Variants in EVPLL observed in about 807,000 individuals in gnomAD.
EVPLL encodes envoplakin like, also known as envoplakin-like protein.
EVPLL carries 39 observed loss-of-function variants against 46.2 expected under a neutral mutation model. That is an observed-to-expected ratio of 0.84 (90% CI 0.65 to 1.10). The LOEUF is 1.10. Among genes scored for constraint, EVPLL ranks in the 50% least tolerant of loss-of-function variants. The pLI is 0.00. For synonymous variants in EVPLL, 156 were observed against 165.8 expected (o/e 0.94, Z 0.46); for missense variants, 385 against 412.6 (o/e 0.93, Z 0.58).
chr17:18,386,894 ATTT>A lies in EVPLL; in HGVS notation c.877-1309_877-1307del, dbSNP rs60131387. On this transcript the variant is annotated intron_variant, in intron 9 of 10. Coordinates refer to ENST00000399134, the MANE Select transcript of EVPLL (RefSeq NM_001145127.2). ...ATCTTGTTGACATGATTTTTGGTTA[ATTT>A]TTTTTTTTTTTTTTTGAGACAGAGT... Among the ~76,000 whole-genome samples, 134 of 127,080 alleles carry A rather than the reference ATTT, an allele frequency of 1.1e-3. 2 individuals carry two copies. The highest frequency in any genetic ancestry group is 5.0e-3 in the South Asian group (20 of 3,976). 83.4% of individuals were successfully genotyped at this position (127,080 alleles called of 152,430 possible).
At chr17:18,385,721 G>A (rs1473552608) in intron 9 of EVPLL, among the ~76,000 whole-genome samples, 1 of 152,074 alleles carries the variant, frequency 6.6e-6, no homozygotes, top group African/African-American at 2.4e-5. Flanking sequence ...ACCACAGCAG[G>A]ACAGTGTTTT....
At chr17:18,384,895 G>A (rs570650349) in intron 9 of EVPLL, among the ~76,000 whole-genome samples, 20 of 152,294 alleles carry the variant, frequency 1.3e-4, no homozygotes, top group African/African-American at 4.8e-4. Flanking sequence ...CTCGTCTGCA[G>A]AGGAGGCAGC....
At chr17:18,387,622 A>C (rs1173606085) in intron 9 of EVPLL, among the ~76,000 whole-genome samples, 1 of 151,404 alleles carries the variant, frequency 6.6e-6, no homozygotes, top group African/African-American at 2.4e-5. Context: ...CTTTATTCAC[A>C]GTAGGAGGGG....
rs139071669 is a variant in EVPLL, at chr17:18,380,586, T to C, written c.-36-316T>C. 1,671 of 239,808 alleles carry C rather than the reference T, an allele frequency of 7.0e-3. 27 individuals are homozygous for C. The highest frequency in any genetic ancestry group is 0.033 in the African/African-American group (1,480 of 45,044). The allele number at this position is 239,808 out of a possible 1,614,324, so 14.9% of individuals were successfully genotyped here. ...GTACTACCGGCTCACAGGGGGGAAG[T>C]GGCAGGCAGCTGGGTGGGGTCGGGA... On this transcript the variant is annotated intron_variant, in intron 1 of 10. Transcript: ENST00000399134.
chr17:18,378,678 A>G (rs1987462761), intron 1 of EVPLL, among the ~76,000 whole-genome samples: 2 of 151,030 alleles, frequency 1.3e-5, no homozygotes, highest in Admixed American at 1.3e-4. Flanking sequence ...ACAGCCAGGT[A>G]TGGTGGCTCA....
chr17:18,382,425 A>G (rs1167193080), intron 4 of EVPLL, 88 bp from the exon 5 acceptor site: 1 of 1,520,922 alleles, frequency 6.6e-7, no homozygotes, highest in East Asian at 2.5e-5. Context: ...CCAAATGACC[A>G]AGTCCACTTC....
chr17:18,382,880 G>C lies in EVPLL; in HGVS notation c.511+16G>C. ...AGACCTACTGGTGAGCAGGAGGGAG[G>C]GTCGGGCAGGGTGGCTGCAGGTGGG... On this transcript the variant is annotated intron_variant, in intron 6 of 10. Coordinates refer to ENST00000399134, the MANE Select transcript of EVPLL (RefSeq NM_001145127.2). The C allele has an allele frequency of 1.2e-6, 2 of 1,611,848 alleles. No homozygotes were observed. Among genetic ancestry groups the C allele is most frequent in the Non-Finnish European group, 1.7e-6 (2 of 1,179,176 alleles).
chr17:18,383,648 C>G, intron 9 of EVPLL, 61 bp downstream of exon 9: 2 of 1,379,526 alleles, frequency 1.4e-6, no homozygotes. Context: ...CACAGCACAC[C>G]GGCCCACAGG....
At chr17:18,379,634 C>T (rs1305753742) in intron 1 of EVPLL, among the ~76,000 whole-genome samples, 1 of 152,202 alleles carries the variant, frequency 6.6e-6, no homozygotes, top group Non-Finnish European at 1.5e-5. Context: ...GATCACCTCA[C>T]GTGCGATCCA....
intron 9 of EVPLL, among the ~76,000 whole-genome samples, chr17:18,386,802 G>GGTGTTAGGGGTGCTGAAAA (rs1309761059): frequency 2.0e-5 from 3 of 152,074 alleles, no homozygotes; most frequent in African/African-American, 7.2e-5. Context: ...GGAACAGCCG[G>GGTGTTAGGGGTGCTGAAAA]GGTGTTAGGG....
intron 9 of EVPLL, among the ~76,000 whole-genome samples, chr17:18,386,152 G>A (rs1360114298): frequency 2.6e-5 from 4 of 152,118 alleles, no homozygotes; most frequent in East Asian, 3.9e-4. Context: ...AGGGCGGTGC[G>A]GGAAGGCTCT....
chr17:18,384,157 C>T (rs1428312097), intron 9 of EVPLL, among the ~76,000 whole-genome samples: 1 of 151,888 alleles, frequency 6.6e-6, no homozygotes, highest in Non-Finnish European at 1.5e-5. Flanking sequence ...CTGTATACAG[C>T]ATATCTGTGG....
At position 18,381,769 on chromosome 17, in the gene EVPLL, G is replaced by A; in HGVS notation, c.346+39G>A. Reference sequence around the variant, plus strand: ...AGTCACACCCCAGTGTGATCAGAGGGTGATACGGAACTGCATTTAACCCAG... The same window carrying A: ...AGTCACACCCCAGTGTGATCAGAGGATGATACGGAACTGCATTTAACCCAG... On this transcript the variant is annotated intron_variant, in intron 4 of 10. Transcript: ENST00000399134. The surrounding 1 kb of genome is among the most constrained non-coding windows in gnomAD (Gnocchi z 4.2). The A allele has an allele frequency of 6.2e-7, 1 of 1,613,732 alleles. No individual in the cohort carries two copies. The highest frequency in any genetic ancestry group is 8.5e-7 in the Non-Finnish European group (1 of 1,179,940).
At position 18,388,247 on chromosome 17, in the gene EVPLL, G is replaced by C; in HGVS notation, c.905G>C (p.Ter302SerextTer228). The C allele has an allele frequency of 6.8e-7, 1 of 1,471,796 alleles. No homozygotes were observed. Among genetic ancestry groups the C allele is most frequent in the Non-Finnish European group, 9.3e-7 (1 of 1,076,188 alleles). 91.2% of individuals were successfully genotyped at this position (1,471,796 alleles called of 1,614,324 possible). A position where few individuals can be genotyped will look rare whatever the true frequency, so the allele number is the denominator to read the frequency against. ...RILCPSSSPH* is the reference protein window; with the variant it reads ...RILCPSSSPHS ...CTGTGTCCATCTTCCTCTCCTCATT[G>C]ACTCTGCATGAAGGGGATTTCTGGT... is the stretch of plus-strand genomic sequence containing the variant. Residue 302 changes from the stop codon to serine, a stop_lost, in exon 10 of 11, where the codon TGA becomes TCA. Transcript: ENST00000399134.
rs565761386 is a variant in EVPLL at position 18,382,998 on chromosome 17, G to A, written c.512-27G>A. 74 of 1,558,192 alleles carry A rather than the reference G, an allele frequency of 4.7e-5. 1 individual carries two copies. In the Admixed American group the frequency reaches 1.2e-3, roughly 26 times the overall value. Reference sequence around the variant, plus strand: ...CCCCCACTTTCTCTCTCCCCACCCTGCTGCTGGCGGCGGGTCCTGAGCACA... The same window carrying A: ...CCCCCACTTTCTCTCTCCCCACCCTACTGCTGGCGGCGGGTCCTGAGCACA... On this transcript the variant is annotated intron_variant, in intron 6 of 10. Transcript: ENST00000399134.
chr17:18,379,759 A>T (rs1390079921), intron 1 of EVPLL: 2 of 152,308 alleles, frequency 1.3e-5, no homozygotes, highest in East Asian at 3.8e-4. Context: ...CTAGCCCTCT[A>T]GTGGGATAAA....
rs111690746 is a variant in EVPLL at position 18,379,589 on chromosome 17, G to A, written c.-36-1313G>A. ...CTCCCCAGCAGTGTGCTCCTGGCCT[G>A]GGGCAGCTCAGTCCTCAGGGCCCTG... On this transcript the variant is annotated intron_variant, in intron 1 of 10. Transcript: ENST00000399134. Among the ~76,000 whole-genome samples the A allele has an allele frequency of 8.0e-4, 122 of 152,302 alleles. 1 individual carries two copies. Among genetic ancestry groups the A allele is most frequent in the Non-Finnish European group, 1.3e-3 (91 of 68,014 alleles).
intron 5 of EVPLL, 74 bp downstream of exon 5, chr17:18,382,712 A>G: frequency 6.4e-7 from 1 of 1,550,776 alleles, no homozygotes; most frequent in Admixed American, 2.0e-5. Flanking sequence ...CCGGAGCTAG[A>G]TCGGCTGGGC....
chr17:18,382,148 G>T, intron 4 of EVPLL: 1 of 345,140 alleles, frequency 2.9e-6, no homozygotes, highest in South Asian at 3.2e-5. Flanking sequence ...AGGAACAGTG[G>T]GGAAGGGCCC....
Sources: allele counts gnomAD v4.1 joint callset (sites outside exome capture counted in the v4.1 genomes callset), GRCh38; gene constraint gnomAD v4.1.1; non-coding constraint Gnocchi (gnomAD v3.1); transcripts MANE v1.5; gene names NCBI Gene and HGNC (gene_info 2026-07-23, HGNC 2026-07-21).